Variants in ZFAND3 observed in about 807,000 individuals in gnomAD.
The protein encoded by ZFAND3 is AN1-type zinc finger protein 3.
A neutral mutation model predicts 29.6 loss-of-function variants in ZFAND3; 10 were observed. The observed-to-expected ratio is 0.34, with a 90% CI of 0.21 to 0.57. ZFAND3 has a LOEUF of 0.57. Among genes scored for constraint, ZFAND3 ranks in the 20% least tolerant of loss-of-function variants. The probability of loss-of-function intolerance (pLI) is 0.86; values close to 1 mark genes in which losing one functional copy is unlikely to be tolerated. For synonymous variants in ZFAND3, 128 were observed against 112.6 expected (o/e 1.14, Z -0.87); for missense variants, 230 against 304.5 (o/e 0.76, Z 1.82).
chr6:37,979,696 G>T (rs1386253683), intron 2 of ZFAND3, among the ~76,000 whole-genome samples: 2 of 152,114 alleles, frequency 1.3e-5, no homozygotes, highest in Non-Finnish European at 2.9e-5. Flanking sequence ...ATGGTTCTTT[G>T]CCTGGCATCA....
intron 1 of ZFAND3, among the ~76,000 whole-genome samples, chr6:37,904,592 A>G (rs1765376231): frequency 1.3e-5 from 2 of 152,144 alleles, no homozygotes; most frequent in Admixed American, 6.6e-5. Context: ...TATAATGAAA[A>G]CTGGAATTTA....
chr6:38,142,010 T>C (rs1226561996), intron 5 of ZFAND3, among the ~76,000 whole-genome samples: 1 of 152,206 alleles, frequency 6.6e-6, no homozygotes, highest in African/African-American at 2.4e-5. Context: ...CTGAGCCACA[T>C]AACTGTCAAA....
chr6:38,133,459 G>T (rs1262536498), intron 5 of ZFAND3, among the ~76,000 whole-genome samples: 1 of 152,122 alleles, frequency 6.6e-6, no homozygotes, highest in Non-Finnish European at 1.5e-5. Context: ...TAAGAGCATT[G>T]TTGGACAAGG....
intron 5 of ZFAND3, among the ~76,000 whole-genome samples, chr6:38,150,803 A>G (rs185105389): frequency 6.6e-6 from 1 of 152,312 alleles, no homozygotes; most frequent in African/African-American, 2.4e-5. Flanking sequence ...TGTTGGTTGG[A>G]AAACAAGTAA....
chr6:38,110,414 A>G (rs1365484186), intron 4 of ZFAND3, among the ~76,000 whole-genome samples: 1 of 152,228 alleles, frequency 6.6e-6, no homozygotes, highest in African/African-American at 2.4e-5. Context: ...AAAGCAAAGC[A>G]TGAGGAGAAA....
At chr6:37,874,514 C>CAAAAAAA (rs11447694) in intron 1 of ZFAND3, among the ~76,000 whole-genome samples, 1 of 79,794 alleles carries the variant, frequency 1.3e-5, no homozygotes, top group Non-Finnish European at 2.3e-5. Flanking sequence ...AACTCCGTCT[C>CAAAAAAA]AAAAAAAAAA....
rs61466900 is a variant in ZFAND3 at position 37,835,214 on chromosome 6, C to T, written c.71+15198C>T. ...CACCACTCTCTCCCAGGCTGGGGTG[C>T]GGTGACAGAGTCATGGCTCATTGCA... On this transcript the variant is annotated intron_variant, in intron 1 of 5. Coordinates refer to ENST00000287218, the MANE Select transcript of ZFAND3 (RefSeq NM_021943.3). Among the ~76,000 whole-genome samples the T allele has an allele frequency of 0.017, 2,595 of 152,220 alleles. 253 individuals carry two copies. In the East Asian group the frequency reaches 0.28, roughly 16 times the overall value.
chr6:37,888,678 G>A (rs767575622), intron 1 of ZFAND3, among the ~76,000 whole-genome samples: 34 of 151,582 alleles, frequency 2.2e-4, no homozygotes, highest in Admixed American at 6.6e-4. Flanking sequence ...TACTATTTGC[G>A]GAAAGGTTAC....
chr6:37,830,689 T>G (rs62398417), intron 1 of ZFAND3, among the ~76,000 whole-genome samples: 5,893 of 152,288 alleles, frequency 0.039, 192 homozygotes, highest in Non-Finnish European at 0.05. Context: ...ACCTTTCTTT[T>G]ATTGATATTG....
At chr6:38,141,235 T>C (rs1765947958) in intron 5 of ZFAND3, among the ~76,000 whole-genome samples, 1 of 152,270 alleles carries the variant, frequency 6.6e-6, no homozygotes, top group Admixed American at 6.5e-5. Flanking sequence ...GTTTGCAGAA[T>C]GTCTACAGCC....
intron 3 of ZFAND3, among the ~76,000 whole-genome samples, chr6:38,064,095 C>T (rs541265080): frequency 2.0e-5 from 3 of 152,278 alleles, no homozygotes; most frequent in African/African-American, 7.2e-5. Flanking sequence ...TATACACCAT[C>T]CATTTATACC....
At chr6:38,132,115 T>C (rs1026841892) in intron 5 of ZFAND3, among the ~76,000 whole-genome samples, 16 of 152,184 alleles carry the variant, frequency 1.1e-4, no homozygotes, top group African/African-American at 3.9e-4. Context: ...GAATTAAAAT[T>C]ATTTGGTATG....
At chr6:37,856,048 A>G (rs1474180890) in intron 1 of ZFAND3, among the ~76,000 whole-genome samples, 1 of 150,842 alleles carries the variant, frequency 6.6e-6, no homozygotes, top group African/African-American at 2.4e-5. Context: ...TTTTTGAGAC[A>G]GGGTCTCACT....
chr6:37,849,282 T>C (rs1764238842), intron 1 of ZFAND3, among the ~76,000 whole-genome samples: 1 of 152,212 alleles, frequency 6.6e-6, no homozygotes. Flanking sequence ...AATTTTTCTT[T>C]TTGACTTTTT....
chr6:37,992,501 TTTCCCTCTCTTC>T (rs1175760309), intron 2 of ZFAND3, among the ~76,000 whole-genome samples: 1 of 152,164 alleles, frequency 6.6e-6, no homozygotes, highest in Non-Finnish European at 1.5e-5. Flanking sequence ...CCACGTATGC[TTTCCCTCTCTTC>T]TTCTCCCTTT....
At chr6:37,972,449 A>G (rs376292758) in intron 2 of ZFAND3, among the ~76,000 whole-genome samples, 2 of 152,238 alleles carry the variant, frequency 1.3e-5, no homozygotes, top group African/African-American at 4.8e-5. Flanking sequence ...TGGTGTTAGA[A>G]TAACAGATAT....
At chr6:37,910,822 T>A (rs1765507282) in intron 1 of ZFAND3, among the ~76,000 whole-genome samples, 1 of 152,232 alleles carries the variant, frequency 6.6e-6, no homozygotes, top group Non-Finnish European at 1.5e-5. Flanking sequence ...TCTGGCTTAT[T>A]TCACTTAACA....
chr6:37,876,401 A>G (rs1422099205), intron 1 of ZFAND3, among the ~76,000 whole-genome samples: 3 of 152,230 alleles, frequency 2.0e-5, no homozygotes, highest in Non-Finnish European at 2.9e-5. Flanking sequence ...TGGTAAGTGA[A>G]GTCATCTCAG....
intron 2 of ZFAND3, among the ~76,000 whole-genome samples, chr6:38,048,860 T>C (rs1763963486): frequency 6.6e-6 from 1 of 152,188 alleles, no homozygotes; most frequent in Admixed American, 6.5e-5. Flanking sequence ...TTATTTCACA[T>C]ATATCTGATC....
Sources: gnomAD v4.1 joint callset for allele counts (sites outside exome capture counted in the v4.1 genomes callset) on GRCh38, gnomAD v4.1.1 for gene constraint, MANE v1.5 for transcripts, NCBI Gene and HGNC (gene_info 2026-07-23, HGNC 2026-07-21) for gene names.